Variants in RASA3 observed in about 807,000 individuals in gnomAD.
RASA3 encodes the protein RAS p21 protein activator 3, also known as ras GTPase-activating protein 3.
In RASA3, 73 loss-of-function variants were observed where a neutral mutation model predicts 110.0. The observed-to-expected ratio is 0.66, with a 90% CI of 0.55 to 0.81. RASA3 has a LOEUF of 0.81. Ranked by LOEUF, RASA3 falls within the 30% of genes least tolerant of loss-of-function variation. The probability of loss-of-function intolerance (pLI) is 0.00; values close to 1 mark genes in which losing one functional copy is unlikely to be tolerated. For synonymous variants in RASA3, 500 were observed against 451.4 expected, an observed-to-expected ratio of 1.11 and a Z score of -1.37; for missense variants, 976 against 1,113.2, an observed-to-expected ratio of 0.88 and a Z score of 1.75.
chr13:114,080,666 G>GCTGAAACAGAGGTCTCCCCCAGGGGCCA, intron 1 of RASA3, among the ~76,000 whole-genome samples: 1 of 135,230 alleles, frequency 7.4e-6, no homozygotes, highest in Non-Finnish European at 1.6e-5. Context: ...CCCGACAACG[G>GCTGAAACAGAGGTCTCCCCCAGGGGCCA]CTGAAACAGG....
intron 21 of RASA3, among the ~76,000 whole-genome samples, chr13:113,993,455 C>A (rs1040049176): frequency 2.0e-5 from 3 of 151,914 alleles, no homozygotes; most frequent in Non-Finnish European, 4.4e-5. Context: ...GGATTACAGG[C>A]GTGAGCCACT....
At chr13:114,117,538 A>ATG (rs2080303710) in intron 1 of RASA3, among the ~76,000 whole-genome samples, 1 of 74,048 alleles carries the variant, frequency 1.4e-5, no homozygotes, top group Admixed American at 1.4e-4. Context: ...AGGGGTGCAC[A>ATG]TGTGTGAGGG....
chr13:113,980,268 CGCACCTCCTCCCACGTGT>C (rs2052895486), intron 23 of RASA3, among the ~76,000 whole-genome samples: 1 of 131,176 alleles, frequency 7.6e-6, no homozygotes, highest in African/African-American at 3.0e-5. Context: ...CCCACATGTG[CGCACCTCCTCCCACGTGT>C]GCACCTTCTG....
intron 10 of RASA3, 97 bp from the exon 11 acceptor site, chr13:114,018,349 G>A: frequency 1.4e-6 from 2 of 1,384,278 alleles, no homozygotes; most frequent in Non-Finnish European, 1.9e-6. Context: ...AGCCACAATA[G>A]ATACGGCTCT....
intron 1 of RASA3, among the ~76,000 whole-genome samples, chr13:114,105,913 G>A (rs1022888930): frequency 1.3e-5 from 2 of 152,188 alleles, no homozygotes; most frequent in African/African-American, 4.8e-5. Flanking sequence ...AAAGGAAGCG[G>A]GCATTCCACA....
intron 22 of RASA3, among the ~76,000 whole-genome samples, chr13:113,984,417 T>G (rs1161264344): frequency 9.6e-5 from 6 of 62,560 alleles, no homozygotes; most frequent in Middle Eastern, 0.01. Context: ...CTCACCCCTT[T>G]GTCCATGAAC....
chr13:113,988,940 C>CTCACCCTGTCCGTACACCCATCAT (rs1566443512), intron 22 of RASA3, among the ~76,000 whole-genome samples: 6 of 150,242 alleles, frequency 4.0e-5, no homozygotes, highest in Non-Finnish European at 7.4e-5. Context: ...CCACCCATCA[C>CTCACCCTGTCCGTACACCCATCAT]TCACCCTGTC....
chr13:114,001,802 G>A (rs925448980), intron 18 of RASA3, among the ~76,000 whole-genome samples: 1 of 152,194 alleles, frequency 6.6e-6, no homozygotes, highest in Non-Finnish European at 1.5e-5. Flanking sequence ...GGCAGCAGAC[G>A]CCCACAAAAC....
At chr13:114,120,557 C>T (rs1270468345) in intron 1 of RASA3, among the ~76,000 whole-genome samples, 5 of 120,752 alleles carry the variant, frequency 4.1e-5, no homozygotes, top group Admixed American at 8.1e-5. Flanking sequence ...TCCAGCCAGG[C>T]GTCGATCAGG....
At chr13:114,046,397 T>C (rs9525215) in intron 3 of RASA3, among the ~76,000 whole-genome samples, 53,985 of 152,138 alleles carry the variant, frequency 0.35, 9,851 homozygotes, top group Middle Eastern at 0.48. Context: ...GGGCGGGGTG[T>C]TGACAGTCTC....
intron 22 of RASA3, among the ~76,000 whole-genome samples, chr13:113,989,537 C>CTCACCCATCCTTCCATCCACCCA (rs1566444417): frequency 1.3e-5 from 2 of 150,530 alleles, no homozygotes; most frequent in African/African-American, 4.9e-5. Context: ...TCCACCATCA[C>CTCACCCATCCTTCCATCCACCCA]TCACCCATCC....
intron 1 of RASA3, among the ~76,000 whole-genome samples, chr13:114,105,461 C>G (rs9525259): frequency 2.0e-5 from 3 of 151,996 alleles, no homozygotes; most frequent in Admixed American, 6.6e-5. Flanking sequence ...GGAGGGGACA[C>G]CTAGGGGAAA....
intron 14 of RASA3, among the ~76,000 whole-genome samples, chr13:114,013,902 CTT>C (rs1404457805): frequency 1.9e-5 from 2 of 102,898 alleles, no homozygotes; most frequent in South Asian, 7.1e-4. Flanking sequence ...CTTTTTCTCT[CTT>C]TCTCTGTCTC....
intron 1 of RASA3, among the ~76,000 whole-genome samples, chr13:114,088,601 G>C (rs533855934): frequency 6.6e-6 from 1 of 151,914 alleles, no homozygotes; most frequent in East Asian, 1.9e-4. Context: ...GCCCAGGCTG[G>C]AGTGCGATGG....
At chr13:114,128,158 A>ATC (rs2080474752) in intron 1 of RASA3, among the ~76,000 whole-genome samples, 1 of 152,224 alleles carries the variant, frequency 6.6e-6, no homozygotes, top group Non-Finnish European at 1.5e-5. Flanking sequence ...GGAATCTAGG[A>ATC]TCTCTGATGC....
At chr13:114,108,518 T>TGTCCATCACCCCAC (rs201212584) in intron 1 of RASA3, 1 of 116,494 alleles carries the variant, frequency 8.6e-6, no homozygotes, top group Non-Finnish European at 1.8e-5. Flanking sequence ...CATCACCCCA[T>TGTCCATCACCCCAC]GTCCATCACC....
At chr13:114,117,077 C>G (rs2080291562) in intron 1 of RASA3, among the ~76,000 whole-genome samples, 1 of 99,736 alleles carries the variant, frequency 1.0e-5, no homozygotes. Flanking sequence ...TGTGGGGGTG[C>G]ACGTGTGTGA....
chr13:114,113,022 G>C (rs895884386), intron 1 of RASA3, among the ~76,000 whole-genome samples: 1 of 152,194 alleles, frequency 6.6e-6, no homozygotes, highest in Non-Finnish European at 1.5e-5. Flanking sequence ...TCCAGAGCCC[G>C]TGGAGGCCCT....
rs529340877 is a variant in RASA3, at chr13:114,024,669, G to A, written c.604-314C>T. ...GGGTACCTAAATGTCCGTCACCTGC[G>A]CCTGCTCTGGGCCTGCCACCCCGTG... On this transcript the variant is annotated intron_variant, in intron 7 of 23. Coordinates refer to ENST00000334062, the MANE Select transcript of RASA3 (RefSeq NM_007368.4). 1.2e-4 allele frequency among the ~76,000 whole-genome samples: 18 copies of A among 152,330 alleles called. 1 individual carries two copies. The South Asian group carries it at 2.3e-3, about 19-fold the overall frequency.
Sources: gnomAD v4.1 joint callset for allele counts (sites outside exome capture counted in the v4.1 genomes callset) on GRCh38, gnomAD v4.1.1 for gene constraint, MANE v1.5 for transcripts, NCBI Gene and HGNC (gene_info 2026-07-23, HGNC 2026-07-21) for gene names.